DMBT1: variants seen among roughly 807,000 people sequenced by gnomAD.
DMBT1 encodes the protein scavenger receptor cysteine-rich domain-containing protein DMBT1.
DMBT1 carries 198 observed loss-of-function variants against 252.9 expected under a neutral mutation model. The observed-to-expected ratio is 0.78, with a 90% confidence interval of 0.70 to 0.88. The LOEUF (loss-of-function observed/expected upper bound fraction) is 0.88. Among genes scored for constraint, DMBT1 ranks in the 40% least tolerant of loss-of-function variants. The pLI is 0.00. For synonymous variants in DMBT1, 990 were observed against 942.7 expected (o/e 1.05, Z -0.92); for missense variants, 2,432 against 2,404.7 (o/e 1.01, Z -0.24).
In DMBT1 at chr10:122,636,177, C is replaced by T; in HGVS notation, c.6735C>T (p.Ser2245=). ...TRRGFRAEYY[S]SPSNDSTNLL... is the part of the protein sequence containing the mutation. ...GAGGGTTCCGGGCTGAGTACTACTCCAGTCCCTCCAATGACAGCACCAGTA... is the reference window on the plus strand; with the variant it reads ...GAGGGTTCCGGGCTGAGTACTACTCTAGTCCCTCCAATGACAGCACCAGTA... Residue 2245 remains serine (S), a synonymous_variant, in exon 53 of 56, where the codon TCC becomes TCT. Transcript: ENST00000338354. 1 of 1,613,736 alleles carries T rather than the reference C, an allele frequency of 6.2e-7. No individual in the cohort carries two copies. The highest frequency in any genetic ancestry group is 8.5e-7 in the Non-Finnish European group (1 of 1,179,742).
intron 40 of DMBT1, 110 bp downstream of exon 40, chr10:122,617,370 T>C: frequency 1.5e-6 from 2 of 1,328,932 alleles, no homozygotes; most frequent in Non-Finnish European, 2.1e-6. Flanking sequence ...CATGTCCCTG[T>C]GGGTTGGGTG....
Position 122,630,944 on chromosome 10 carries a change from G to T in DMBT1, c.6026-17G>T. ...TGTGGGACATGGCCATGATCTCTCA[G>T]TTAATGTGTCTTTCAGATGCCACCT... On this transcript the variant is annotated splice_polypyrimidine_tract_variant and intron_variant, in intron 48 of 55. Coordinates refer to ENST00000338354, the MANE Select transcript of DMBT1 (RefSeq NM_001377530.1). The T allele has an allele frequency of 2.5e-6, 4 of 1,582,204 alleles. No homozygotes were observed. The highest frequency in any genetic ancestry group is 3.4e-6 in the Non-Finnish European group (4 of 1,159,778).
At chr10:122,624,439 C>G (rs187222066) in intron 44 of DMBT1, among the ~76,000 whole-genome samples, 1 of 152,190 alleles carries the variant, frequency 6.6e-6, no homozygotes, top group African/African-American at 2.4e-5. Flanking sequence ...GACCCAGAAA[C>G]CTTGGCCTTC....
Position 122,590,771 on chromosome 10 carries a change from C to T in DMBT1, c.2137+77C>T. ...ATCCTTTTTCCCATTCCACAGAGCC[C>T]TCCTTCTTACCTGTGTGGATACTGT... On this transcript the variant is annotated intron_variant, in intron 18 of 55. Transcript: ENST00000338354. 4 of 1,513,566 alleles carry T rather than the reference C, an allele frequency of 2.6e-6. 1 individual carries two copies. Among genetic ancestry groups the T allele is most frequent in the South Asian group, 1.2e-5 (1 of 82,812 alleles). 93.8% of individuals were successfully genotyped at this position (1,513,566 alleles called of 1,614,324 possible). A position where few individuals can be genotyped will look rare whatever the true frequency, so the allele number is the denominator to read the frequency against.
chr10:122,580,299 G>C (rs539452498), intron 10 of DMBT1, among the ~76,000 whole-genome samples: 1 of 152,194 alleles, frequency 6.6e-6, no homozygotes, highest in Non-Finnish European at 1.5e-5. Flanking sequence ...GCTAAAAGTG[G>C]GTTCTCAGCT....
At chr10:122,620,689 A>G (rs2098057772) in intron 43 of DMBT1, among the ~76,000 whole-genome samples, 1 of 152,228 alleles carries the variant, frequency 6.6e-6, no homozygotes, top group Non-Finnish European at 1.5e-5. Context: ...GCTAGAAGCC[A>G]GAGAGGATCA....
In DMBT1 at chr10:122,631,000, G is replaced by T. The variant is rs1167588095; in HGVS notation, c.6065G>T (p.Gly2022Val). The T allele has an allele frequency of 1.2e-6, 2 of 1,611,658 alleles. No individual in the cohort carries two copies. The highest frequency in any genetic ancestry group is 2.2e-5 in the South Asian group (2 of 91,042). The change falls in exon 49 of 56, where the codon GGT (glycine) becomes GTT (valine). Residue 2022 changes from glycine (G) to valine (V), a missense_variant. Physicochemically the swap from Gly to Val is moderately radical, Grantham distance 109 (BLOSUM62 -3). Transcript: ENST00000338354. The stretch of plus-strand genomic sequence containing the variant: ...TTGGTCAATTTAAATTCATCCTATG[G>T]TCTATGTGCCGGGCGTGTAGAAATT... Reference protein sequence around the residue: ...LRLVNLNSSYGLCAGRVEIYH... With the variant: ...LRLVNLNSSYVLCAGRVEIYH...
At position 122,592,440 on chromosome 10, in the gene DMBT1, C is replaced by T. The variant is rs764149835; in HGVS notation, c.2345C>T (p.Ala782Val). ...CTGGGCTGTGGCTGGGCCACGTCGG[C>T]CCCAGGAAATGCCCGGTTTGGCCAG... is the stretch of plus-strand genomic sequence containing the variant. ...RQLGCGWATS[A>V]PGNARFGQGS... is the part of the protein sequence containing the mutation. Residue 782 changes from alanine (A) to valine (V), a missense_variant, in exon 20 of 56, where the codon GCC becomes GTC. This residue lies in a region of DMBT1 where 1,264 missense variants were observed against 1,082.2 expected (regional missense o/e 1.17). Coordinates refer to ENST00000338354, the MANE Select transcript of DMBT1 (RefSeq NM_001377530.1). 8 of 1,588,238 alleles carry T rather than the reference C, an allele frequency of 5.0e-6. 2 individuals are homozygous for T. The South Asian group carries it at 8.1e-5, about 16-fold the overall frequency.
intron 54 of DMBT1, among the ~76,000 whole-genome samples, chr10:122,639,419 T>C (rs75876615): frequency 6.6e-6 from 1 of 151,524 alleles, no homozygotes; most frequent in Non-Finnish European, 1.5e-5. Context: ...CGAAGAGAGA[T>C]AGGGGTGGGG....
intron 44 of DMBT1, among the ~76,000 whole-genome samples, chr10:122,622,927 A>G (rs2098084293): frequency 6.6e-6 from 1 of 152,036 alleles, no homozygotes; most frequent in Non-Finnish European, 1.5e-5. Context: ...GGTTGACGTT[A>G]CCCCTCTATC....
chr10:122,576,211 G>A (rs2097710635), intron 6 of DMBT1, among the ~76,000 whole-genome samples, 188 bp from the exon 7 acceptor site: 1 of 152,180 alleles, frequency 6.6e-6, no homozygotes, highest in Admixed American at 6.5e-5. Flanking sequence ...TAAGGCTTGG[G>A]TTTGGGCCAA....
intron 6 of DMBT1, among the ~76,000 whole-genome samples, chr10:122,574,371 G>A (rs2097693245): frequency 6.6e-6 from 1 of 152,160 alleles, no homozygotes; most frequent in African/African-American, 2.4e-5. Flanking sequence ...CATTTCCCAT[G>A]GGAAATCTTG....
chr10:122,618,432 TTTTTCTATG>T, intron 41 of DMBT1, 92 bp downstream of exon 41: 1 of 1,584,668 alleles, frequency 6.3e-7, no homozygotes. Context: ...CACTCAAAGC[TTTTTCTATG>T]TTTTCTATAT....
At position 122,620,248 on chromosome 10, in the gene DMBT1, T is replaced by C; in HGVS notation, c.5246-5T>C. ...TTTGTCCTTTCTCTTTGTTGCAATT[T>C]ACAGATACTTGGCTGACCACCAACT... On this transcript the variant is annotated splice_region_variant and splice_polypyrimidine_tract_variant and intron_variant, in intron 42 of 55. Coordinates refer to ENST00000338354, the MANE Select transcript of DMBT1 (RefSeq NM_001377530.1). 6.2e-7 allele frequency: 1 copy of C among 1,614,002 alleles called. No individual in the cohort carries two copies. The highest frequency in any genetic ancestry group is 8.5e-7 in the Non-Finnish European group (1 of 1,179,870).
rs575682642 is a variant in DMBT1, at chr10:122,600,100, C to G, written c.3310+7C>G. ...CGGCCAACACCTAGTCCAGGTGGGT[C>G]CCCAGTGTCCTTCCTCAAAATGTCC... is the stretch of plus-strand genomic sequence containing the variant. On this transcript the variant is annotated splice_region_variant and intron_variant, in intron 27 of 55. Coordinates refer to ENST00000338354, the MANE Select transcript of DMBT1 (RefSeq NM_001377530.1). 6 of 1,605,684 alleles carry G rather than the reference C, an allele frequency of 3.7e-6. No individual in the cohort carries two copies. In the African/African-American group the frequency reaches 8.2e-5, roughly 22 times the overall value.
chr10:122,588,443 C>T (rs1306238423), intron 16 of DMBT1, among the ~76,000 whole-genome samples: 1 of 148,660 alleles, frequency 6.7e-6, no homozygotes, highest in Non-Finnish European at 1.5e-5. Context: ...AGGACAAGCC[C>T]TGGAGGGCTC....
chr10:122,629,921 A>G lies in DMBT1; in HGVS notation c.5750A>G (p.Asn1917Ser), dbSNP rs200265932. 2.5e-4 allele frequency: 396 copies of G among 1,614,014 alleles called. 2 individuals are homozygous for G. In the African/African-American group the frequency reaches 4.7e-3, roughly 19 times the overall value. The change falls in exon 47 of 56, where the codon AAC becomes AGC. Residue 1917 changes from asparagine (N) to serine (S), a missense_variant. Physicochemically the swap from Asn to Ser is conservative, Grantham distance 46 (BLOSUM62 1). Transcript: ENST00000338354. Reference protein sequence around the residue: ...SSPSYPAYYPNNAKCVWEIEV... With the variant: ...SSPSYPAYYPSNAKCVWEIEV... ...CCATCCTACCCTGCATACTACCCCAACAATGCTAAGTGTGTTTGGGAAATA... is the reference window on the plus strand; with the variant it reads ...CCATCCTACCCTGCATACTACCCCAGCAATGCTAAGTGTGTTTGGGAAATA...
rs201051051 is a variant in DMBT1, at chr10:122,617,219, T to C, written c.4859-9T>C. On this transcript the variant is annotated splice_polypyrimidine_tract_variant and intron_variant, in intron 39 of 55. Coordinates refer to ENST00000338354, the MANE Select transcript of DMBT1 (RefSeq NM_001377530.1). Reference sequence around the variant, plus strand: ...TAATTCTGTCTTTTTTCTTTGTTGCTATTTACAGACACTTGGCCAACCTCT... The same window carrying C: ...TAATTCTGTCTTTTTTCTTTGTTGCCATTTACAGACACTTGGCCAACCTCT... 1.2e-6 allele frequency: 2 copies of C among 1,609,068 alleles called. No individual in the cohort carries two copies. Among genetic ancestry groups the C allele is most frequent in the African/African-American group, 2.7e-5 (2 of 74,326 alleles).
rs777365927 is a variant in DMBT1 at position 122,578,738 on chromosome 10, T to A, written c.658T>A (p.Ser220Thr). ...TACAGAAAGTTGGCCTGTCAGGATA[T>A]CACCACCTGTACCCACAGAAGGTAA... Reference protein sequence around the residue: ...LRPESWPVRISPPVPTEGSES... With the variant: ...LRPESWPVRITPPVPTEGSES... Residue 220 changes from serine (S) to threonine (T), a missense_variant, in exon 9 of 56, where the codon TCA becomes ACA. Physicochemically the swap from Ser to Thr is moderately conservative, Grantham distance 58. Around this residue, in one of 3 missense-constraint regions of DMBT1, gnomAD observed 1,264 missense variants for 1,082.2 expected, o/e 1.17. Coordinates refer to ENST00000338354, the MANE Select transcript of DMBT1 (RefSeq NM_001377530.1). 1.2e-6 allele frequency: 2 copies of A among 1,609,450 alleles called. No individual in the cohort carries two copies. Among genetic ancestry groups the A allele is most frequent in the East Asian group, 2.2e-5 (1 of 44,818 alleles).
Sources: gnomAD v4.1 joint callset for allele counts (sites outside exome capture counted in the v4.1 genomes callset) on GRCh38, gnomAD v4.1.1 for gene constraint, gnomAD v4.1.1 regional missense constraint, MANE v1.5 for transcripts, NCBI Gene and HGNC (gene_info 2026-07-23, HGNC 2026-07-21) for gene names.